SAMHD1: variants seen among roughly 807,000 people sequenced by gnomAD.
SAMHD1 encodes the protein deoxynucleoside triphosphate triphosphohydrolase SAMHD1.
In SAMHD1, 54 loss-of-function variants were observed where a neutral mutation model predicts 79.6. The ratio of observed to expected loss-of-function variants is 0.68; its 90% CI spans 0.55 to 0.85. The LOEUF is 0.85. Ranked by LOEUF, SAMHD1 falls within the 40% of genes least tolerant of loss-of-function variation. The pLI is 0.00. For missense variants in SAMHD1, 663 were observed against 782.7 expected, an observed-to-expected ratio of 0.85 and a Z score of 1.82; for synonymous variants, 260 against 264.1, an observed-to-expected ratio of 0.98 and a Z score of 0.15.
chr20:36,926,775 T>C (rs921976165), intron 6 of SAMHD1, among the ~76,000 whole-genome samples: 1 of 152,328 alleles, frequency 6.6e-6, no homozygotes, highest in East Asian at 1.9e-4. Flanking sequence ...ATTTAATATA[T>C]ATGACTTGGC....
rs1238026198 is a variant in SAMHD1 at position 36,916,770 on chromosome 20, G to A, written c.1014C>T (p.Ala338=). The A allele has an allele frequency of 1.2e-6, 2 of 1,613,956 alleles. No homozygotes were observed. Among genetic ancestry groups the A allele is most frequent in the Non-Finnish European group, 1.7e-6 (2 of 1,179,984 alleles). Residue 338 remains alanine, a synonymous_variant, in exon 9 of 16, where the codon GCC becomes GCT. Transcript: ENST00000646673. ...NFDYKRFIKF[A]RVCEVDNELR... is the part of the protein sequence containing the mutation. ...ACTCATTGTCTACTTCACAGACACGGGCAAACTTAATAAAGCGCTTGTAAT... is the reference window on the plus strand; with the variant it reads ...ACTCATTGTCTACTTCACAGACACGAGCAAACTTAATAAAGCGCTTGTAAT...
chr20:36,950,722 C>T (rs1473470542), intron 1 of SAMHD1, among the ~76,000 whole-genome samples: 1 of 152,156 alleles, frequency 6.6e-6, no homozygotes, highest in African/African-American at 2.4e-5. Flanking sequence ...GGGGAACCTG[C>T]TTTTAAAGAG....
At chr20:36,899,114 T>A (rs982115622) in intron 13 of SAMHD1, among the ~76,000 whole-genome samples, 1 of 151,824 alleles carries the variant, frequency 6.6e-6, no homozygotes, top group South Asian at 2.1e-4. Flanking sequence ...ATCCCTGCTA[T>A]GTGACAGACA....
At chr20:36,944,871 G>T (rs1203598141) in intron 2 of SAMHD1, among the ~76,000 whole-genome samples, 2 of 152,126 alleles carry the variant, frequency 1.3e-5, no homozygotes, top group Non-Finnish European at 2.9e-5. Flanking sequence ...TCCAGCCTGG[G>T]CAACAAAAGC....
At chr20:36,912,889 GTTTTTTTTTTTTTTT>G (rs71186089) in intron 9 of SAMHD1, among the ~76,000 whole-genome samples, 17 of 41,104 alleles carry the variant, frequency 4.1e-4, no homozygotes, top group Admixed American at 1.7e-3. Flanking sequence ...TTCATTCTTT[GTTTTTTTTTTTTTTT>G]TTTTTTTTTT....
intron 3 of SAMHD1, among the ~76,000 whole-genome samples, chr20:36,937,359 C>T (rs1018499488): frequency 6.6e-6 from 1 of 151,204 alleles, no homozygotes; most frequent in African/African-American, 2.4e-5. Flanking sequence ...CACAAATGAA[C>T]AAAAAAAATA....
chr20:36,946,191 T>C (rs1195954062), intron 2 of SAMHD1, among the ~76,000 whole-genome samples: 1 of 151,730 alleles, frequency 6.6e-6, no homozygotes, highest in African/African-American at 2.4e-5. Flanking sequence ...GGCGGGCAGA[T>C]CACGAGGTCA....
Position 36,897,807 on chromosome 20 carries a change from T to C in SAMHD1, c.1746+15A>G, listed in dbSNP as rs1422376564. On this transcript the variant is annotated intron_variant, in intron 15 of 15. Coordinates refer to ENST00000646673, the MANE Select transcript of SAMHD1 (RefSeq NM_015474.4). ...TAAAAAATTGTGCAAAGTTTGTGAG[T>C]AACAGGCCACCTACCTGCGGCTTGG... is the stretch of plus-strand genomic sequence containing the variant. 1.2e-6 allele frequency: 2 copies of C among 1,614,072 alleles called. No homozygotes were observed. Among genetic ancestry groups the C allele is most frequent in the Non-Finnish European group, 1.7e-6 (2 of 1,180,022 alleles).
chr20:36,893,023 T>G lies in SAMHD1; in HGVS notation c.1790A>C (p.Glu597Ala), dbSNP rs758217797. The change falls in exon 16 of 16, where the codon GAA (glutamate) becomes GCA (alanine). Residue 597 changes from glutamate to alanine, a missense_variant. Transcript: ENST00000646673. ...IAPLITPQKK[E>A]WNDSTSVQNP... The stretch of plus-strand genomic sequence containing the variant: ...TTGGACTGAAGTACTGTCGTTCCAT[T>G]CCTTTTTTTGAGGTGTTATGAGTGG... The G allele has an allele frequency of 6.2e-7, 1 of 1,614,020 alleles. No individual in the cohort carries two copies. Among genetic ancestry groups the G allele is most frequent in the East Asian group, 2.2e-5 (1 of 44,878 alleles).
At chr20:36,911,190 A>G in intron 11 of SAMHD1, 28 bp downstream of exon 11, 1 of 1,330,782 alleles carries the variant, frequency 7.5e-7, no homozygotes, top group Non-Finnish European at 1.1e-6. Context: ...TCTGAGATGG[A>G]CCATCTATGT....
intron 15 of SAMHD1, 118 bp downstream of exon 15, chr20:36,897,704 C>T: frequency 1.7e-6 from 2 of 1,181,704 alleles, no homozygotes; most frequent in South Asian, 1.3e-5. Flanking sequence ...ACCTTATTTT[C>T]AAAACCATAA....
chr20:36,918,417 G>A (rs964828698), intron 7 of SAMHD1, among the ~76,000 whole-genome samples: 31 of 150,312 alleles, frequency 2.1e-4, no homozygotes, highest in Non-Finnish European at 2.5e-4. Flanking sequence ...CCAGGAGTTC[G>A]AAACCAGCTT....
chr20:36,919,715 C>T (rs904292276), intron 6 of SAMHD1, among the ~76,000 whole-genome samples, 196 bp from the exon 7 acceptor site: 1 of 152,102 alleles, frequency 6.6e-6, no homozygotes, highest in South Asian at 2.1e-4. Flanking sequence ...GTCTACAAAC[C>T]TTTTACAAAA....
rs1251115036 is a variant in SAMHD1, at chr20:36,891,526, G to C, written c.*1406C>G. Reference sequence around the variant, plus strand: ...AGCTTTGGCTCTAACTGCAGACTTTGTTCTTGGTGAATTGCTATAGAACTG... The same window carrying C: ...AGCTTTGGCTCTAACTGCAGACTTTCTTCTTGGTGAATTGCTATAGAACTG... On this transcript the variant is annotated 3_prime_UTR_variant, in exon 16 of 16. Transcript: ENST00000646673. 6.6e-6 allele frequency: 1 copy of C among 152,466 alleles called. No homozygotes were observed. Among genetic ancestry groups the C allele is most frequent in the African/African-American group, 2.4e-5 (1 of 41,454 alleles). The allele number at this position is 152,466 out of a possible 1,614,324, so 9.4% of individuals were successfully genotyped here.
intron 3 of SAMHD1, chr20:36,940,701 T>C: frequency 6.7e-6 from 2 of 296,452 alleles, no homozygotes; most frequent in Non-Finnish European, 1.3e-5. Context: ...CACATTTCAT[T>C]AAAAAAAAAA....
At chr20:36,938,159 T>G (rs769376068) in intron 3 of SAMHD1, among the ~76,000 whole-genome samples, 1 of 151,742 alleles carries the variant, frequency 6.6e-6, no homozygotes, top group Non-Finnish European at 1.5e-5. Context: ...TGAGCCACCA[T>G]ACCCAGCCAA....
chr20:36,904,010 G>A, intron 13 of SAMHD1, 147 bp downstream of exon 13: 1 of 632,754 alleles, frequency 1.6e-6, no homozygotes, highest in Non-Finnish European at 2.9e-6. Context: ...TGTTTTTGTG[G>A]TTAATAATAT....
At chr20:36,948,583 T>C (rs935517910) in intron 1 of SAMHD1, among the ~76,000 whole-genome samples, 1 of 150,020 alleles carries the variant, frequency 6.7e-6, no homozygotes, top group Middle Eastern at 3.2e-3. Flanking sequence ...GAAAGACTAT[T>C]GCTGGTCGGG....
intron 3 of SAMHD1, chr20:36,940,087 A>C (rs559787668): frequency 1.1e-4 from 16 of 152,014 alleles, no homozygotes; most frequent in African/African-American, 3.9e-4. Flanking sequence ...TATGCCTGTA[A>C]TCCCAGCTAC....
Sources: gnomAD v4.1 joint callset for allele counts (sites outside exome capture counted in the v4.1 genomes callset) on GRCh38, gnomAD v4.1.1 for gene constraint, MANE v1.5 for transcripts, NCBI Gene and HGNC (gene_info 2026-07-23, HGNC 2026-07-21) for gene names.